The following PDE10A variants were observed in gnomAD, a reference collection of about 807,000 sequenced individuals.
PDE10A encodes cAMP and cAMP-inhibited cGMP 3',5'-cyclic phosphodiesterase 10A.
In PDE10A, 39 loss-of-function variants were observed where a neutral mutation model predicts 97.7. That is an observed-to-expected ratio of 0.40 (90% CI 0.31 to 0.52). PDE10A has a LOEUF of 0.52. Ranked by LOEUF, PDE10A falls within the 20% of genes least tolerant of loss-of-function variation. The pLI, the probability that PDE10A is intolerant of heterozygous loss-of-function variation, is 0.56. For missense variants in PDE10A, 731 were observed against 1,047.8 expected (o/e 0.70, Z 4.17); for synonymous variants, 371 against 376.8 (o/e 0.98, Z 0.18).
intron 1 of PDE10A, among the ~76,000 whole-genome samples, chr6:165,604,214 T>C (rs1787098844): frequency 6.6e-6 from 1 of 152,332 alleles, no homozygotes; most frequent in East Asian, 1.9e-4. Context: ...TCATTCGTCT[T>C]CATGGGTCTG....
Position 165,343,511 on chromosome 6 carries a change from C to T in PDE10A, c.2784-9G>A. 6.3e-7 allele frequency: 1 copy of T among 1,584,190 alleles called. No individual in the cohort carries two copies. The highest frequency in any genetic ancestry group is 1.1e-5 in the South Asian group (1 of 90,446). ...AACCAATTACACGGTCTCTAGAACACAACAATATAAGACTGGTCAGCATAG... is the reference window on the plus strand; with the variant it reads ...AACCAATTACACGGTCTCTAGAACATAACAATATAAGACTGGTCAGCATAG... On this transcript the variant is annotated splice_polypyrimidine_tract_variant and intron_variant, in intron 18 of 21. Coordinates refer to ENST00000539869, the MANE Select transcript of PDE10A (RefSeq NM_001385079.1).
intron 1 of PDE10A, among the ~76,000 whole-genome samples, chr6:165,656,946 G>T (rs1789999223): frequency 6.6e-6 from 1 of 152,218 alleles, no homozygotes; most frequent in Non-Finnish European, 1.5e-5. Flanking sequence ...CAGAACAGAG[G>T]CTCATACAAA....
intron 1 of PDE10A, among the ~76,000 whole-genome samples, chr6:165,558,980 C>T (rs1262549734): frequency 1.3e-5 from 2 of 149,674 alleles, no homozygotes; most frequent in Admixed American, 6.6e-5. Flanking sequence ...AACGGAAGCA[C>T]TATAACAACA....
Position 165,613,437 on chromosome 6 carries a change from C to T in PDE10A, c.865+48510G>A, listed in dbSNP as rs1000820720. ...GGCAGATTGCTTGAGCTCAGAAGTT[C>T]GAGACCAGCCTGGGTTACATGGCAA... On this transcript the variant is annotated intron_variant, in intron 1 of 21. Transcript: ENST00000539869. Among the ~76,000 whole-genome samples, 18 of 152,030 alleles carry T rather than the reference C, an allele frequency of 1.2e-4. 1 individual carries two copies. The highest frequency in any genetic ancestry group is 4.1e-4 in the African/African-American group (17 of 41,466).
intron 1 of PDE10A, among the ~76,000 whole-genome samples, chr6:165,927,962 G>T (rs1311835327): frequency 1.3e-5 from 2 of 150,810 alleles, no homozygotes; most frequent in African/African-American, 4.9e-5. Context: ...CTCCCAAAGT[G>T]ATGGGATTAC....
At chr6:165,810,554 C>T (rs1779254746) in intron 1 of PDE10A, among the ~76,000 whole-genome samples, 1 of 152,156 alleles carries the variant, frequency 6.6e-6, no homozygotes, top group African/African-American at 2.4e-5. Flanking sequence ...TGTGCCATGT[C>T]CCCAGCCACT....
intron 1 of PDE10A, among the ~76,000 whole-genome samples, chr6:165,928,023 G>A (rs942939952): frequency 6.7e-6 from 1 of 150,340 alleles, no homozygotes; most frequent in Non-Finnish European, 1.5e-5. Flanking sequence ...TTTAAATTAT[G>A]TTCTTTTATA....
intron 1 of PDE10A, among the ~76,000 whole-genome samples, chr6:165,644,784 G>A (rs562349286): frequency 6.6e-6 from 1 of 152,316 alleles, no homozygotes; most frequent in Non-Finnish European, 1.5e-5. Context: ...TTCAGACTTT[G>A]TCAGCCCTGC....
At chr6:165,665,459 T>C (rs1790474558), upstream of PDE10A, among the ~76,000 whole-genome samples, 1 of 152,188 alleles carries the variant, frequency 6.6e-6, no homozygotes, top group Non-Finnish European at 1.5e-5. Context: ...AAACCTTTTG[T>C]GAATAAACGC....
intron 16 of PDE10A, 53 bp downstream of exon 16, chr6:165,392,592 CA>C (rs1197125141): frequency 1.3e-6 from 2 of 1,513,966 alleles, no homozygotes; most frequent in East Asian, 2.3e-5. Flanking sequence ...TCCTGACACA[CA>C]GTATTAAATC....
At chr6:165,912,904 C>T (rs990747483) in intron 1 of PDE10A, among the ~76,000 whole-genome samples, 12 of 152,116 alleles carry the variant, frequency 7.9e-5, no homozygotes, top group African/African-American at 2.9e-4. Flanking sequence ...TATAAAGCAA[C>T]TATCTCAAAT....
chr6:165,391,837 T>C (rs1380680478), intron 16 of PDE10A, among the ~76,000 whole-genome samples: 1 of 152,246 alleles, frequency 6.6e-6, no homozygotes, highest in Non-Finnish European at 1.5e-5. Flanking sequence ...CTAGTTTAAA[T>C]GTGAATTTGA....
chr6:165,523,917 G>C (rs1337248569), intron 2 of PDE10A, among the ~76,000 whole-genome samples: 1 of 152,180 alleles, frequency 6.6e-6, no homozygotes, highest in Non-Finnish European at 1.5e-5. Flanking sequence ...ATTACCATTT[G>C]AGTCAGTGGG....
intron 1 of PDE10A, among the ~76,000 whole-genome samples, chr6:165,694,270 C>A (rs1240735366): frequency 6.6e-6 from 1 of 152,182 alleles, no homozygotes; most frequent in African/African-American, 2.4e-5. Flanking sequence ...TATAATTAAA[C>A]AATTCTCAGG....
At chr6:165,615,512 G>C (rs1438100855) in intron 1 of PDE10A, among the ~76,000 whole-genome samples, 2 of 152,058 alleles carry the variant, frequency 1.3e-5, no homozygotes, top group Non-Finnish European at 2.9e-5. Context: ...AAAGCAATGG[G>C]ATATTTTCAC....
intron 1 of PDE10A, among the ~76,000 whole-genome samples, chr6:165,546,638 T>A (rs1783755828): frequency 6.6e-6 from 1 of 152,096 alleles, no homozygotes; most frequent in South Asian, 2.1e-4. Flanking sequence ...CTCTAGTTGA[T>A]AAAGTTGTTG....
Position 165,662,357 on chromosome 6 carries a change from G to A in PDE10A, c.455C>T (p.Ala152Val), listed in dbSNP as rs1790321480. 6.2e-6 allele frequency: 1 copy of A among 162,130 alleles called. No homozygotes were observed. Among genetic ancestry groups the A allele is most frequent in the Admixed American group, 6.6e-5 (1 of 15,160 alleles). The allele number at this position is 162,130 out of a possible 1,614,324, so 10.0% of individuals were successfully genotyped here. A position where few individuals can be genotyped will look rare whatever the true frequency, so the allele number is the denominator to read the frequency against. ...AGCATCGCCGCCTCCTCCCGCCGCC[G>A]CCGCCGCCGCTGCGCCCTCCCTTCC... is the stretch of plus-strand genomic sequence containing the variant. ...LPGREGAAAA[A>V]AAGGGGDAGG... The change falls in exon 1 of 22, where the codon GCG (alanine) becomes GTG (valine). Residue 152 changes from alanine to valine, a missense_variant. By Grantham distance (64) the Ala-to-Val change is moderately conservative. This residue lies in a region of PDE10A where 181 missense variants were observed against 159.1 expected (regional missense o/e 1.14). Coordinates refer to ENST00000539869, the MANE Select transcript of PDE10A (RefSeq NM_001385079.1).
chr6:165,592,530 GAA>G (rs1786340078), intron 1 of PDE10A, among the ~76,000 whole-genome samples: 1 of 152,136 alleles, frequency 6.6e-6, no homozygotes, highest in African/African-American at 2.4e-5. Context: ...CAGAATGGGA[GAA>G]AAGTTTTGCA....
intron 1 of PDE10A, among the ~76,000 whole-genome samples, chr6:165,896,952 G>A (rs916287801): frequency 6.6e-6 from 1 of 152,112 alleles, no homozygotes; most frequent in Non-Finnish European, 1.5e-5. Context: ...TTACATGCAT[G>A]AGCCACCACC....
Sources: allele counts gnomAD v4.1 joint callset (sites outside exome capture counted in the v4.1 genomes callset), GRCh38; gene constraint gnomAD v4.1.1; regional missense constraint gnomAD v4.1.1; transcripts MANE v1.5; gene names NCBI Gene and HGNC (gene_info 2026-07-23, HGNC 2026-07-21).